Variants in GAREM1 observed in about 807,000 individuals in gnomAD.
GAREM1 encodes GRB2 associated regulator of MAPK1 subtype 1, also known as GRB2-associated and regulator of MAPK protein 1.
GAREM1 carries 26 observed loss-of-function variants against 71.3 expected under a neutral mutation model. That is an observed-to-expected ratio of 0.36 (90% confidence interval 0.27 to 0.51). The LOEUF (loss-of-function observed/expected upper bound fraction) is 0.51, where lower values mean the gene tolerates loss of function less well. Among genes scored for constraint, GAREM1 ranks in the 20% least tolerant of loss-of-function variants. The pLI is 0.95. For synonymous variants in GAREM1, 440 were observed against 433.2 expected (o/e 1.02, Z -0.20); for missense variants, 1,026 against 1,103.1 (o/e 0.93, Z 0.99).
intron 3 of GAREM1, among the ~76,000 whole-genome samples, chr18:32,290,657 A>AG (rs1463102992): frequency 4.0e-5 from 6 of 151,878 alleles, no homozygotes; most frequent in Admixed American, 3.9e-4. Flanking sequence ...AAAAAAAAAA[A>AG]AAAGAAAAAT....
chr18:32,274,095 G>A (rs956709531), intron 4 of GAREM1, among the ~76,000 whole-genome samples: 1 of 152,106 alleles, frequency 6.6e-6, no homozygotes, highest in Non-Finnish European at 1.5e-5. Context: ...TCTCCAAGTG[G>A]CATTATTATT....
At chr18:32,276,151 A>G (rs1330057841) in intron 4 of GAREM1, among the ~76,000 whole-genome samples, 4 of 152,240 alleles carry the variant, frequency 2.6e-5, no homozygotes, top group Non-Finnish European at 5.9e-5. Flanking sequence ...TTCTTTCTCG[A>G]ACTTCATCCT....
At chr18:32,354,853 G>A (rs2047789094) in intron 2 of GAREM1, among the ~76,000 whole-genome samples, 1 of 152,206 alleles carries the variant, frequency 6.6e-6, no homozygotes, top group Non-Finnish European at 1.5e-5. Context: ...CAGAAGCAGT[G>A]ACGGTATTTG....
intron 2 of GAREM1, among the ~76,000 whole-genome samples, chr18:32,316,845 C>G (rs572380187): frequency 2.7e-4 from 41 of 152,258 alleles, no homozygotes; most frequent in African/African-American, 9.9e-4. Flanking sequence ...CACTAGGTCA[C>G]AATACACATG....
At chr18:32,326,989 T>C (rs1368605031) in intron 2 of GAREM1, among the ~76,000 whole-genome samples, 2 of 152,216 alleles carry the variant, frequency 1.3e-5, no homozygotes, top group Non-Finnish European at 2.9e-5. Context: ...AGGAGTGACT[T>C]TGTCAGGGAA....
At chr18:32,412,259 G>A (rs181852561) in intron 1 of GAREM1, 548 of 1,571,584 alleles carry the variant, frequency 3.5e-4, no homozygotes, top group Non-Finnish European at 4.4e-4. Context: ...TGCTGGAACC[G>A]CCATAGCCAC....
Position 32,451,738 on chromosome 18 carries a change from C to CA in GAREM1, c.121+18569dup, listed in dbSNP as rs548342023. Among the ~76,000 whole-genome samples, 97 of 151,142 alleles carry CA rather than the reference C, an allele frequency of 6.4e-4. 1 individual carries two copies. Among genetic ancestry groups the CA allele is most frequent in the Non-Finnish European group, 1.0e-3 (70 of 67,736 alleles). ...AATGACCAGAATAACCCTTGTTAAA[C>CA]AAAAAAAAATCTGGGCCTTTCCCAT... is the stretch of plus-strand genomic sequence containing the variant. On this transcript the variant is annotated intron_variant, in intron 1 of 5. Transcript: ENST00000269209.
At chr18:32,365,733 CA>C (rs2047923811) in intron 2 of GAREM1, among the ~76,000 whole-genome samples, 1 of 152,174 alleles carries the variant, frequency 6.6e-6, no homozygotes, top group Non-Finnish European at 1.5e-5. Context: ...AGCACTTCAT[CA>C]AAAGGCACTC....
At chr18:32,333,365 A>G (rs2047556076) in intron 2 of GAREM1, among the ~76,000 whole-genome samples, 1 of 152,172 alleles carries the variant, frequency 6.6e-6, no homozygotes, top group African/African-American at 2.4e-5. Flanking sequence ...GAGTGGGAAG[A>G]GGAGTCCCAA....
chr18:32,358,095 C>T (rs1466481916), intron 2 of GAREM1, among the ~76,000 whole-genome samples: 1 of 151,726 alleles, frequency 6.6e-6, no homozygotes, highest in Non-Finnish European at 1.5e-5. Context: ...TCCCCTCCCT[C>T]TCTCTATGTG....
chr18:32,434,860 A>T (rs2048659263), intron 1 of GAREM1, among the ~76,000 whole-genome samples: 1 of 152,180 alleles, frequency 6.6e-6, no homozygotes, highest in South Asian at 2.1e-4. Context: ...ACTCTCTCCA[A>T]ATATTTATTA....
intron 2 of GAREM1, among the ~76,000 whole-genome samples, chr18:32,364,099 A>G (rs1320437237): frequency 7.6e-6 from 1 of 131,398 alleles, no homozygotes; most frequent in East Asian, 2.4e-4. Flanking sequence ...CAGTGGTGCG[A>G]TCTCAGCTCA....
intron 4 of GAREM1, among the ~76,000 whole-genome samples, chr18:32,277,512 G>A (rs1431907378): frequency 6.6e-6 from 1 of 152,196 alleles, no homozygotes; most frequent in African/African-American, 2.4e-5. Flanking sequence ...CACACTAATA[G>A]AACAAATGCT....
At chr18:32,364,426 C>T (rs2144616915) in intron 2 of GAREM1, among the ~76,000 whole-genome samples, 1 of 152,144 alleles carries the variant, frequency 6.6e-6, no homozygotes, top group Middle Eastern at 3.4e-3. Flanking sequence ...TGCACACACA[C>T]ACATGCACGT....
intron 2 of GAREM1, among the ~76,000 whole-genome samples, chr18:32,334,394 ACTT>A (rs1390428935): frequency 2.6e-5 from 4 of 152,230 alleles, no homozygotes; most frequent in Admixed American, 2.6e-4. Context: ...ATTTACCAAA[ACTT>A]CTCACCTTAC....
intron 2 of GAREM1, among the ~76,000 whole-genome samples, chr18:32,323,731 T>C (rs2047450979): frequency 6.6e-6 from 1 of 152,070 alleles, no homozygotes; most frequent in African/African-American, 2.4e-5. Flanking sequence ...AAATAATCAA[T>C]CAAGGTTCCA....
chr18:32,363,920 A>ACACACACACACACACACACACACACACAC (rs1408632288), intron 2 of GAREM1, among the ~76,000 whole-genome samples: 1 of 146,660 alleles, frequency 6.8e-6, no homozygotes, highest in African/African-American at 2.5e-5. Flanking sequence ...ACACACACAT[A>ACACACACACACACACACACACACACACAC]AAAAAATATA....
At chr18:32,451,112 T>C (rs1301609758) in intron 1 of GAREM1, among the ~76,000 whole-genome samples, 1 of 152,100 alleles carries the variant, frequency 6.6e-6, no homozygotes, top group Non-Finnish European at 1.5e-5. Flanking sequence ...ATGGTGCCAC[T>C]GCACTCCAGA....
At chr18:32,420,470 C>A (rs1007817618) in intron 1 of GAREM1, among the ~76,000 whole-genome samples, 1 of 152,098 alleles carries the variant, frequency 6.6e-6, no homozygotes, top group Non-Finnish European at 1.5e-5. Context: ...GTTTCAACTG[C>A]TGCTGGGCAC....
Sources: gnomAD v4.1 joint callset for allele counts (sites outside exome capture counted in the v4.1 genomes callset) on GRCh38, gnomAD v4.1.1 for gene constraint, MANE v1.5 for transcripts, NCBI Gene and HGNC (gene_info 2026-07-23, HGNC 2026-07-21) for gene names.